The following DCC variants were observed in gnomAD, a reference collection of about 807,000 sequenced individuals.
DCC encodes the protein netrin receptor DCC.
DCC carries 58 observed loss-of-function variants against 172.5 expected under a neutral mutation model. The ratio of observed to expected loss-of-function variants is 0.34; its 90% CI spans 0.27 to 0.42. DCC has a LOEUF of 0.42. Among genes scored for constraint, DCC ranks in the 10% least tolerant of loss-of-function variants. DCC has a pLI of 1.00. For missense variants in DCC, 1,740 were observed against 1,791.0 expected (o/e 0.97, Z 0.51); for synonymous variants, 709 against 644.5 (o/e 1.10, Z -1.52).
At chr18:52,928,647 G>A (rs190483370) in intron 5 of DCC, among the ~76,000 whole-genome samples, 18 of 152,240 alleles carry the variant, frequency 1.2e-4, no homozygotes, top group Admixed American at 8.5e-4. Flanking sequence ...AACCATGTGA[G>A]ACATTTATTT....
chr18:53,488,289 C>T (rs1015400745), intron 26 of DCC, among the ~76,000 whole-genome samples: 3 of 152,068 alleles, frequency 2.0e-5, no homozygotes, highest in African/African-American at 7.2e-5. Flanking sequence ...GCATGAGAAT[C>T]TTTTAAGCCT....
intron 3 of DCC, among the ~76,000 whole-genome samples, chr18:52,920,592 A>T (rs1047188985): frequency 2.6e-5 from 4 of 152,186 alleles, no homozygotes; most frequent in Non-Finnish European, 4.4e-5. Flanking sequence ...TGGCAATGAA[A>T]AATTGTACAG....
At chr18:52,861,079 T>C (rs572997284) in intron 2 of DCC, among the ~76,000 whole-genome samples, 1 of 152,304 alleles carries the variant, frequency 6.6e-6, no homozygotes, top group African/African-American at 2.4e-5. Context: ...GGTTAGACTT[T>C]TAAAAGCCTC....
intron 5 of DCC, among the ~76,000 whole-genome samples, chr18:52,961,527 C>A (rs566701397): frequency 1.1e-3 from 167 of 152,226 alleles, no homozygotes; most frequent in African/African-American, 3.6e-3. Flanking sequence ...TATACACTTC[C>A]CTGATCACTG....
chr18:52,521,536 T>C (rs1223011556), intron 1 of DCC, among the ~76,000 whole-genome samples: 1 of 152,094 alleles, frequency 6.6e-6, no homozygotes, highest in East Asian at 1.9e-4. Context: ...CATCACCAAA[T>C]GCCATCACTT....
intron 2 of DCC, among the ~76,000 whole-genome samples, chr18:52,857,744 G>A (rs1003711838): frequency 6.6e-6 from 1 of 152,100 alleles, no homozygotes; most frequent in African/African-American, 2.4e-5. Context: ...ACTGTGATTT[G>A]AACTTTTGTT....
intron 15 of DCC, among the ~76,000 whole-genome samples, chr18:53,369,396 G>T (rs7227402): frequency 0.34 from 51,843 of 151,620 alleles, 9,775 homozygotes; most frequent in Non-Finnish European, 0.44. Flanking sequence ...AAATCTTAGG[G>T]TTTTATATGC....
At chr18:52,446,516 C>T (rs1988128440) in intron 1 of DCC, among the ~76,000 whole-genome samples, 1 of 152,128 alleles carries the variant, frequency 6.6e-6, no homozygotes, top group African/African-American at 2.4e-5. Context: ...TTTGACCCTT[C>T]TATATAAATG....
At chr18:52,615,790 G>C (rs1330482087) in intron 1 of DCC, among the ~76,000 whole-genome samples, 1 of 152,146 alleles carries the variant, frequency 6.6e-6, no homozygotes, top group Non-Finnish European at 1.5e-5. Context: ...AAGGGCAAAA[G>C]TGGTCAGAGC....
chr18:52,790,939 G>T (rs1039855741), intron 2 of DCC, among the ~76,000 whole-genome samples: 1 of 152,164 alleles, frequency 6.6e-6, no homozygotes, highest in Non-Finnish European at 1.5e-5. Context: ...CTTGCCTAAG[G>T]TCCTGCAATG....
intron 12 of DCC, among the ~76,000 whole-genome samples, chr18:53,250,908 T>C (rs1190473471): frequency 6.6e-6 from 1 of 151,982 alleles, no homozygotes; most frequent in Non-Finnish European, 1.5e-5. Flanking sequence ...CCTGTTCTCA[T>C]CGAGGTCATC....
chr18:52,689,617 C>T (rs919641781), intron 1 of DCC, among the ~76,000 whole-genome samples: 2 of 151,998 alleles, frequency 1.3e-5, no homozygotes, highest in Non-Finnish European at 2.9e-5. Context: ...TACAGGGTAG[C>T]TCCTCAGTAT....
intron 1 of DCC, among the ~76,000 whole-genome samples, chr18:52,594,400 G>C (rs567990899): frequency 6.6e-6 from 1 of 152,218 alleles, no homozygotes; most frequent in South Asian, 2.1e-4. Context: ...GGCTATTGAT[G>C]CCTCTCCCCT....
rs545312712 is a variant in DCC, at chr18:53,295,876, A to C, written c.1912-9702A>C. 5.3e-5 allele frequency among the ~76,000 whole-genome samples: 8 copies of C among 152,268 alleles called. No individual in the cohort carries two copies. The East Asian group carries it at 1.5e-3, about 29-fold the overall frequency. On this transcript the variant is annotated intron_variant, in intron 12 of 28. Coordinates refer to ENST00000442544, the MANE Select transcript of DCC (RefSeq NM_005215.4). Reference sequence around the variant, plus strand: ...CCTCCTTTGCATTTGACATTCAATAATTCACCAAATCCTGTCAAGTCTACC... The same window carrying C: ...CCTCCTTTGCATTTGACATTCAATACTTCACCAAATCCTGTCAAGTCTACC...
chr18:52,488,763 A>G (rs977198317), intron 1 of DCC, among the ~76,000 whole-genome samples: 2 of 152,120 alleles, frequency 1.3e-5, no homozygotes, highest in Non-Finnish European at 2.9e-5. Flanking sequence ...GGCAGGAGGC[A>G]TCTATAAGAC....
chr18:53,398,199 A>T (rs1909075678), intron 18 of DCC, among the ~76,000 whole-genome samples: 1 of 152,096 alleles, frequency 6.6e-6, no homozygotes. Context: ...CAATTTTCAA[A>T]TTTTAAAAAA....
At chr18:52,682,356 C>T (rs1467071451) in intron 1 of DCC, among the ~76,000 whole-genome samples, 1 of 152,038 alleles carries the variant, frequency 6.6e-6, no homozygotes, top group Non-Finnish European at 1.5e-5. Flanking sequence ...ATAAAACATG[C>T]ACTCTAGTGG....
chr18:52,973,833 G>A (rs903290081), intron 5 of DCC, among the ~76,000 whole-genome samples: 20 of 152,140 alleles, frequency 1.3e-4, no homozygotes, highest in East Asian at 9.7e-4. Flanking sequence ...TTTCACTGGA[G>A]GCTTATTTAT....
chr18:53,043,072 G>A (rs1394661469), intron 5 of DCC, among the ~76,000 whole-genome samples: 5 of 151,856 alleles, frequency 3.3e-5, no homozygotes, highest in African/African-American at 9.7e-5. Flanking sequence ...CAACCCAAAT[G>A]TCCATCAATG....
Sources: gnomAD v4.1 joint callset for allele counts (sites outside exome capture counted in the v4.1 genomes callset) on GRCh38, gnomAD v4.1.1 for gene constraint, MANE v1.5 for transcripts, NCBI Gene and HGNC (gene_info 2026-07-23, HGNC 2026-07-21) for gene names.